CDK14: variants seen among roughly 807,000 people sequenced by gnomAD.
CDK14 encodes the protein cyclin-dependent kinase 14.
A neutral mutation model predicts 60.7 loss-of-function variants in CDK14; 34 were observed. The observed-to-expected ratio is 0.56, with a 90% confidence interval of 0.43 to 0.75. The LOEUF (loss-of-function observed/expected upper bound fraction) is 0.75, where lower values mean the gene tolerates loss of function less well. Ranked by LOEUF, CDK14 falls within the 30% of genes least tolerant of loss-of-function variation. The probability of loss-of-function intolerance (pLI) is 0.00; values close to 1 mark genes in which losing one functional copy is unlikely to be tolerated. For synonymous variants in CDK14, 197 were observed against 203.7 expected, an observed-to-expected ratio of 0.97 and a Z score of 0.28; for missense variants, 482 against 564.1, an observed-to-expected ratio of 0.85 and a Z score of 1.47.
At chr7:90,651,585 G>T (rs1800643455) in intron 2 of CDK14, among the ~76,000 whole-genome samples, 1 of 152,088 alleles carries the variant, frequency 6.6e-6, no homozygotes. Context: ...TGAGGCTTCT[G>T]CTTTCCATTG....
At position 90,978,618 on chromosome 7, in the gene CDK14, A is replaced by G. The variant is rs184469935; in HGVS notation, c.948-5530A>G. On this transcript the variant is annotated intron_variant, in intron 9 of 14. Transcript: ENST00000380050. ...ATAACCTATCCCTCTTCTCCCTCCC[A>G]TGATGCATATCAGCTCACAAAATTA... 1.8e-3 allele frequency among the ~76,000 whole-genome samples: 279 copies of G among 152,254 alleles called. 1 individual carries two copies. Among genetic ancestry groups the G allele is most frequent in the African/African-American group, 6.5e-3 (270 of 41,568 alleles).
At chr7:90,832,111 A>G (rs558690577) in intron 5 of CDK14, among the ~76,000 whole-genome samples, 7 of 151,754 alleles carry the variant, frequency 4.6e-5, no homozygotes, top group African/African-American at 1.7e-4. Flanking sequence ...CATACATCCT[A>G]CCCTAGTTCC....
intron 14 of CDK14, among the ~76,000 whole-genome samples, chr7:91,122,480 A>ATGG (rs1799808659): frequency 6.6e-6 from 1 of 152,164 alleles, no homozygotes; most frequent in African/African-American, 2.4e-5. Flanking sequence ...CGTTAGTAGA[A>ATGG]TGGTGGTTCT....
chr7:91,074,277 G>T (rs1361367566), intron 11 of CDK14, among the ~76,000 whole-genome samples: 1 of 152,134 alleles, frequency 6.6e-6, no homozygotes. Context: ...AAATGCAAAA[G>T]AACTGAAATC....
intron 14 of CDK14, among the ~76,000 whole-genome samples, chr7:91,135,405 T>C (rs1379496517): frequency 6.6e-6 from 1 of 152,178 alleles, no homozygotes; most frequent in Non-Finnish European, 1.5e-5. Flanking sequence ...ACCAGGCATC[T>C]GACTGTCAGA....
intron 4 of CDK14, among the ~76,000 whole-genome samples, chr7:90,756,677 T>C (rs1804073262): frequency 1.3e-5 from 2 of 152,234 alleles, no homozygotes; most frequent in Non-Finnish European, 2.9e-5. Context: ...ACTTGAGAGC[T>C]AAGTTTGGTG....
intron 12 of CDK14, among the ~76,000 whole-genome samples, chr7:91,093,724 C>T (rs1481327580): frequency 6.6e-6 from 1 of 152,110 alleles, no homozygotes; most frequent in African/African-American, 2.4e-5. Context: ...CATATGCACT[C>T]ACATGTTCAT....
chr7:90,604,330 G>T, intron 2 of CDK14, 81 bp downstream of exon 2: 1 of 736,058 alleles, frequency 1.4e-6, no homozygotes, highest in Non-Finnish European at 2.1e-6. Context: ...TTTGTACCTG[G>T]AAACAAAAAA....
chr7:90,606,100 C>T (rs1257231306), intron 2 of CDK14, among the ~76,000 whole-genome samples: 1 of 152,174 alleles, frequency 6.6e-6, no homozygotes, highest in Non-Finnish European at 1.5e-5. Context: ...ATCAGTAAAT[C>T]ACAGAATGCT....
intron 1 of CDK14, among the ~76,000 whole-genome samples, chr7:90,601,369 C>A (rs1438350580): frequency 1.3e-5 from 2 of 152,150 alleles, no homozygotes; most frequent in Non-Finnish European, 2.9e-5. Context: ...TTAAGTTGGT[C>A]TTTGTTGTCA....
chr7:90,762,075 G>T (rs912014777), intron 4 of CDK14, among the ~76,000 whole-genome samples: 2 of 152,032 alleles, frequency 1.3e-5, no homozygotes, highest in Admixed American at 6.6e-5. Flanking sequence ...ATAAGAGAGG[G>T]GTATAGATAG....
chr7:91,205,671 A>G (rs913062226), intron 14 of CDK14, among the ~76,000 whole-genome samples: 6 of 152,254 alleles, frequency 3.9e-5, no homozygotes, highest in Admixed American at 1.3e-4. Flanking sequence ...ATTCTTTTAA[A>G]TGATTAATTT....
intron 2 of CDK14, among the ~76,000 whole-genome samples, chr7:90,665,967 C>G (rs540937316): frequency 6.6e-5 from 10 of 152,314 alleles, no homozygotes; most frequent in South Asian, 2.1e-4. Context: ...GACCATAGCA[C>G]TCTGTTTAGT....
In CDK14 at chr7:90,734,232, G is replaced by T. The variant is rs1023791677; in HGVS notation, c.369+7420G>T. Among the ~76,000 whole-genome samples, 4 of 152,118 alleles carry T rather than the reference G, an allele frequency of 2.6e-5. 1 individual carries two copies. Among genetic ancestry groups the T allele is most frequent in the Non-Finnish European group, 2.9e-5 (2 of 68,010 alleles). ...GGTAACCTGAGTCTTCTCTCTGGCTGCCCTTAGCATTTTTTCCTTCATTTC... is the reference window on the plus strand; with the variant it reads ...GGTAACCTGAGTCTTCTCTCTGGCTTCCCTTAGCATTTTTTCCTTCATTTC... On this transcript the variant is annotated intron_variant, in intron 3 of 14. Transcript: ENST00000380050.
chr7:90,887,067 T>G (rs756447921), intron 6 of CDK14, among the ~76,000 whole-genome samples: 2 of 152,126 alleles, frequency 1.3e-5, no homozygotes, highest in Admixed American at 6.6e-5. Flanking sequence ...ATAGAAAAAT[T>G]TGTGAGTTTT....
At chr7:91,013,879 A>G (rs149356967) in intron 10 of CDK14, among the ~76,000 whole-genome samples, 1 of 152,132 alleles carries the variant, frequency 6.6e-6, no homozygotes, top group East Asian at 1.9e-4. Context: ...TCAACCCTGC[A>G]TGAGTCTGTG....
intron 2 of CDK14, among the ~76,000 whole-genome samples, chr7:90,653,371 A>G (rs1178092261): frequency 1.3e-5 from 2 of 151,980 alleles, no homozygotes; most frequent in Admixed American, 1.3e-4. Flanking sequence ...TAACAGCTAT[A>G]TAATCAGATT....
intron 10 of CDK14, among the ~76,000 whole-genome samples, chr7:91,023,329 A>G (rs1716437752): frequency 6.6e-6 from 1 of 152,062 alleles, no homozygotes; most frequent in Non-Finnish European, 1.5e-5. Flanking sequence ...TTTGTTGGTG[A>G]TGGGATGGTG....
At chr7:91,159,951 A>G (rs1369885541) in intron 14 of CDK14, among the ~76,000 whole-genome samples, 1 of 152,114 alleles carries the variant, frequency 6.6e-6, no homozygotes, top group Admixed American at 6.5e-5. Context: ...TCTTAACAAT[A>G]TACTACCTTT....
Sources: gnomAD v4.1 joint callset for allele counts (sites outside exome capture counted in the v4.1 genomes callset) on GRCh38, gnomAD v4.1.1 for gene constraint, MANE v1.5 for transcripts, NCBI Gene and HGNC (gene_info 2026-07-23, HGNC 2026-07-21) for gene names.